The following SCUBE2 variants were observed in gnomAD, a reference collection of about 807,000 sequenced individuals.
The protein encoded by SCUBE2 is signal peptide, CUB domain and EGF like domain containing 2.
SCUBE2 carries 114 observed loss-of-function variants against 125.9 expected under a neutral mutation model. The ratio of observed to expected loss-of-function variants is 0.91; its 90% CI spans 0.78 to 1.06. SCUBE2 has a LOEUF of 1.06. Ranked by LOEUF, SCUBE2 falls within the 50% of genes least tolerant of loss-of-function variation. SCUBE2 has a pLI of 0.00. For synonymous variants in SCUBE2, 459 were observed against 492.9 expected, an observed-to-expected ratio of 0.93 and a Z score of 0.91; for missense variants, 1,255 against 1,301.8, an observed-to-expected ratio of 0.96 and a Z score of 0.55.
At position 9,053,275 on chromosome 11, in the gene SCUBE2, ATG is replaced by A; in HGVS notation, c.1331-62_1331-61del. The stretch of plus-strand genomic sequence containing the variant: ...AAGGACATTTCCAAGTGTGACAAGG[ATG>A]GTTGAGTCCCATGCACCAAAGGCCC... On this transcript the variant is annotated intron_variant, in intron 11 of 22. Transcript: ENST00000649792. The A allele has an allele frequency of 1.1e-5, 16 of 1,419,686 alleles. No individual in the cohort carries two copies. In the South Asian group the frequency reaches 1.9e-4, roughly 17 times the overall value. The allele number at this position is 1,419,686 out of a possible 1,614,324, so 87.9% of individuals were successfully genotyped here. A position where few individuals can be genotyped will look rare whatever the true frequency, so the allele number is the denominator to read the frequency against.
At chr11:9,034,184 T>C (rs970593979) in intron 16 of SCUBE2, among the ~76,000 whole-genome samples, 34 of 152,204 alleles carry the variant, frequency 2.2e-4, no homozygotes, top group African/African-American at 8.2e-4. Flanking sequence ...ATAGGTCTAG[T>C]GCTGGAAGAA....
At chr11:9,039,485 T>TATCC (rs1702909413) in intron 16 of SCUBE2, among the ~76,000 whole-genome samples, 1 of 152,144 alleles carries the variant, frequency 6.6e-6, no homozygotes, top group Non-Finnish European at 1.5e-5. Flanking sequence ...ATAAGAAGCT[T>TATCC]TGTTTGGAAA....
At position 9,074,616 on chromosome 11, in the gene SCUBE2, C is replaced by A. The variant is rs2135831193; in HGVS notation, c.383-1G>T. Reference sequence around the variant, plus strand: ...TTGTTCTCCAGGCACTCGTCCACATCTGGAAGGAGAGAGGGATTAGCCTTT... The same window carrying A: ...TTGTTCTCCAGGCACTCGTCCACATATGGAAGGAGAGAGGGATTAGCCTTT... On this transcript the variant is annotated splice_acceptor_variant, in intron 3 of 22. Transcript: ENST00000649792. LOFTEE classifies it high-confidence loss of function. 1 of 1,614,164 alleles carries A rather than the reference C, an allele frequency of 6.2e-7. No individual in the cohort carries two copies. Among genetic ancestry groups the A allele is most frequent in the Non-Finnish European group, 8.5e-7 (1 of 1,179,998 alleles).
intron 16 of SCUBE2, among the ~76,000 whole-genome samples, chr11:9,037,022 C>G (rs1856799335): frequency 6.6e-6 from 1 of 152,182 alleles, no homozygotes; most frequent in African/African-American, 2.4e-5. Context: ...ATAATTCATG[C>G]CAAGCACCTC....
At chr11:9,079,589 C>T (rs1861471970) in intron 2 of SCUBE2, 80 bp from the exon 3 acceptor site, 1 of 1,431,472 alleles carries the variant, frequency 7.0e-7, no homozygotes, top group South Asian at 1.3e-5. Context: ...CCAGCCATTC[C>T]ACTTCTAGGA....
chr11:9,037,723 G>C (rs1175768646), intron 16 of SCUBE2, among the ~76,000 whole-genome samples: 1 of 152,214 alleles, frequency 6.6e-6, no homozygotes, highest in Non-Finnish European at 1.5e-5. Flanking sequence ...GATAACAGGG[G>C]ACAGTCCTTC....
intron 5 of SCUBE2, 144 bp from the exon 6 acceptor site, chr11:9,066,957 T>TC: frequency 1.5e-6 from 1 of 661,176 alleles, no homozygotes; most frequent in Non-Finnish European, 2.7e-6. Context: ...AAGACATAAC[T>TC]CCAAGTCAGA....
intron 2 of SCUBE2, among the ~76,000 whole-genome samples, chr11:9,081,595 G>A (rs1861644115): frequency 1.3e-5 from 2 of 152,078 alleles, no homozygotes; most frequent in Non-Finnish European, 2.9e-5. Context: ...TGAGGTGAGA[G>A]GATCGCTTGA....
At chr11:9,052,723 G>A in intron 13 of SCUBE2, 23 bp downstream of exon 13, 1 of 1,505,596 alleles carries the variant, frequency 6.6e-7, no homozygotes, top group Non-Finnish European at 8.9e-7. Flanking sequence ...CCCCCAGAGA[G>A]AACACGCAGA....
intron 2 of SCUBE2, among the ~76,000 whole-genome samples, chr11:9,082,440 T>C (rs1039376931): frequency 6.6e-6 from 1 of 152,112 alleles, no homozygotes; most frequent in Admixed American, 6.5e-5. Context: ...TAAACACAAA[T>C]ACAACATATG....
intron 3 of SCUBE2, among the ~76,000 whole-genome samples, chr11:9,075,205 TAAAAAAAA>T (rs5789594): frequency 1.1e-4 from 14 of 123,950 alleles, no homozygotes; most frequent in African/African-American, 3.1e-4. Context: ...AGACGCCATC[TAAAAAAAA>T]AAAAAAAAAA....
At chr11:9,070,218 C>T (rs61876350) in intron 4 of SCUBE2, among the ~76,000 whole-genome samples, 13,802 of 152,140 alleles carry the variant, frequency 0.091, 713 homozygotes, top group South Asian at 0.19. Flanking sequence ...CTGTACAATT[C>T]TTTTGAGGTA....
chr11:9,090,296 G>A (rs73412019), intron 1 of SCUBE2: 3,460 of 154,430 alleles, frequency 0.022, 128 homozygotes, highest in African/African-American at 0.076. Flanking sequence ...CCCGCTAAAG[G>A]AGGAAAGGAC....
chr11:9,071,749 A>G (rs1181279348), intron 4 of SCUBE2, among the ~76,000 whole-genome samples: 1 of 152,230 alleles, frequency 6.6e-6, no homozygotes, highest in African/African-American at 2.4e-5. Flanking sequence ...AAAACATGAC[A>G]TAAAACGGGT....
intron 16 of SCUBE2, among the ~76,000 whole-genome samples, chr11:9,036,132 C>T (rs962744313): frequency 1.2e-4 from 19 of 152,198 alleles, no homozygotes; most frequent in African/African-American, 4.6e-4. Context: ...TCAGGTGATC[C>T]ACCTGCCTCA....
intron 16 of SCUBE2, among the ~76,000 whole-genome samples, chr11:9,046,001 CTTTTTT>C (rs58572754): frequency 3.3e-5 from 3 of 92,040 alleles, no homozygotes; most frequent in South Asian, 4.9e-4. Context: ...GTCTTTCTTT[CTTTTTT>C]TTTTTTTTTT....
At chr11:9,029,747 G>T in intron 19 of SCUBE2, 137 bp downstream of exon 19, 1 of 905,234 alleles carries the variant, frequency 1.1e-6, no homozygotes, top group Non-Finnish European at 1.8e-6. Context: ...TGGTCTGCAT[G>T]GCTGTGAGCT....
chr11:9,066,212 T>G (rs556429716), intron 6 of SCUBE2, among the ~76,000 whole-genome samples: 1 of 152,346 alleles, frequency 6.6e-6, no homozygotes, highest in Non-Finnish European at 1.5e-5. Context: ...TATATTGCAC[T>G]GACCAAAGAG....
chr11:9,038,314 G>A (rs1287454611), intron 16 of SCUBE2, among the ~76,000 whole-genome samples: 2 of 152,162 alleles, frequency 1.3e-5, no homozygotes, highest in Non-Finnish European at 2.9e-5. Flanking sequence ...CTGTGGCCAA[G>A]AAAGGCCTTT....
Sources: allele counts gnomAD v4.1 joint callset (sites outside exome capture counted in the v4.1 genomes callset), GRCh38; gene constraint gnomAD v4.1.1; transcripts MANE v1.5; gene names NCBI Gene and HGNC (gene_info 2026-07-23, HGNC 2026-07-21).